The following NOTCH4 variants were observed in gnomAD, a reference collection of about 807,000 sequenced individuals.
NOTCH4 encodes the protein notch receptor 4, also known as neurogenic locus notch homolog protein 4.
A neutral mutation model predicts 189.0 loss-of-function variants in NOTCH4; 138 were observed. The observed-to-expected ratio is 0.73, with a 90% CI of 0.64 to 0.84. The LOEUF (loss-of-function observed/expected upper bound fraction) is 0.84, where lower values mean the gene tolerates loss of function less well. NOTCH4 is among the 40% of genes least tolerant of loss of function. The pLI, the probability that NOTCH4 is intolerant of heterozygous loss-of-function variation, is 0.00. For missense variants in NOTCH4, 2,286 were observed against 2,605.4 expected (o/e 0.88, Z 2.67); for synonymous variants, 942 against 1,032.8 (o/e 0.91, Z 1.69).
chr6:32,194,989 C>G lies in NOTCH4; in HGVS notation c.*448G>C, dbSNP rs1787760311. The G allele has an allele frequency of 1.2e-5, 3 of 240,792 alleles. No individual in the cohort carries two copies. The highest frequency in any genetic ancestry group is 6.6e-5 in the African/African-American group (3 of 45,704). 14.9% of individuals were successfully genotyped at this position (240,792 alleles called of 1,614,324 possible). ...CAAGGAGTCATCAGCGGGGGTGGCC[C>G]TTGGCCACTTTTCAGCACCTACACA... On this transcript the variant is annotated 3_prime_UTR_variant, in exon 30 of 30. Coordinates refer to ENST00000375023, the MANE Select transcript of NOTCH4 (RefSeq NM_004557.4). This position sits in a 1 kb window ranked among gnomAD's most constrained non-coding sequence, Gnocchi z 4.5.
At chr6:32,196,898 G>C in intron 28 of NOTCH4, 27 bp downstream of exon 28, 1 of 1,612,254 alleles carries the variant, frequency 6.2e-7, no homozygotes, top group Non-Finnish European at 8.5e-7. Flanking sequence ...CTTCTCTATA[G>C]CATACATCAC....
intron 2 of NOTCH4, 26 bp from the exon 3 acceptor site, chr6:32,222,832 C>A (rs1003336817): frequency 6.2e-7 from 1 of 1,605,850 alleles, no homozygotes; most frequent in African/African-American, 1.3e-5. Flanking sequence ...GAGGAAAACT[C>A]ACATCACTGG....
chr6:32,217,176 G>C lies in NOTCH4; in HGVS notation c.1715C>G (p.Ala572Gly). Residue 572 changes from alanine to glycine, a missense_variant, in exon 10 of 30, where the codon GCC becomes GGC. Ala to Gly is a moderately conservative substitution (Grantham distance 60). This residue lies in a region of NOTCH4 where 1,903 missense variants were observed against 2,261.9 expected (regional missense o/e 0.84). Transcript: ENST00000375023. This position sits in a 1 kb window ranked among gnomAD's most constrained non-coding sequence, Gnocchi z 4.2. ...NGGQCQDQPG[A>G]FHCKCLPGFE... Reference sequence around the variant, plus strand: ...ACCTGGGAGACACTTGCAGTGGAAGGCTCCAGGCTGGTCCTGGCACTGCCC... The same window carrying C: ...ACCTGGGAGACACTTGCAGTGGAAGCCTCCAGGCTGGTCCTGGCACTGCCC... 1 of 1,612,948 alleles carries C rather than the reference G, an allele frequency of 6.2e-7. No individual in the cohort carries two copies. The highest frequency in any genetic ancestry group is 8.5e-7 in the Non-Finnish European group (1 of 1,179,902).
chr6:32,221,014 T>C lies in NOTCH4; in HGVS notation c.763A>G (p.Lys255Glu), dbSNP rs1289506466. Residue 255 changes from lysine to glutamate, a missense_variant, in exon 4 of 30, where the codon AAA becomes GAA. This residue lies in a region of NOTCH4 where 1,903 missense variants were observed against 2,261.9 expected (regional missense o/e 0.84). Transcript: ENST00000375023. This position sits in a 1 kb window ranked among gnomAD's most constrained non-coding sequence, Gnocchi z 4.3. ...NGGTCQLMPE[K>E]DSTFHLCLCP... ...AGGCAGAGGTGAAAGGTGGAGTCTT[T>C]CTCTGGCATCAGCTGGCAGGTGCCC... 1.9e-6 allele frequency: 3 copies of C among 1,608,072 alleles called. No homozygotes were observed. The highest frequency in any genetic ancestry group is 2.7e-5 in the African/African-American group (2 of 74,706).
intron 28 of NOTCH4, among the ~76,000 whole-genome samples, chr6:32,196,679 C>A (rs570889054): frequency 1.3e-5 from 2 of 152,090 alleles, no homozygotes; most frequent in African/African-American, 2.4e-5. Flanking sequence ...ATTCCCCCCC[C>A]TTTCCACAGA....
In NOTCH4 at chr6:32,217,927, C is replaced by A. The variant is rs1024804631; in HGVS notation, c.1624+68G>T. The A allele has an allele frequency of 4.5e-5, 47 of 1,050,280 alleles. No homozygotes were observed. Among genetic ancestry groups the A allele is most frequent in the Admixed American group, 2.8e-4 (15 of 52,688 alleles). 65.1% of individuals were successfully genotyped at this position (1,050,280 alleles called of 1,614,324 possible). Reference sequence around the variant, plus strand: ...AGCTTCAAGTGGCCTTGGGTGATTGCTGAGCCTGAACTCTGCAGGTTCAGA... The same window carrying A: ...AGCTTCAAGTGGCCTTGGGTGATTGATGAGCCTGAACTCTGCAGGTTCAGA... On this transcript the variant is annotated intron_variant, in intron 9 of 29. Coordinates refer to ENST00000375023, the MANE Select transcript of NOTCH4 (RefSeq NM_004557.4). The surrounding 1 kb of genome is among the most constrained non-coding windows in gnomAD (Gnocchi z 4.2).
rs141058087 is a variant in NOTCH4, at chr6:32,220,447, G to T, written c.1117C>A (p.Arg373=). 6.2e-7 allele frequency: 1 copy of T among 1,613,848 alleles called. No individual in the cohort carries two copies. The change falls in exon 6 of 30, where the codon CGG becomes AGG. Residue 373 remains arginine (R), a synonymous_variant. Coordinates refer to ENST00000375023, the MANE Select transcript of NOTCH4 (RefSeq NM_004557.4). The stretch of plus-strand genomic sequence containing the variant: ...CAGAGGCAGGAGAAAGAGCCCACCC[G>T]GTCAATGCAGGTGGATCCCGGGGCA... ...TCAPGSTCID[R]VGSFSCLCPP... is the part of the protein sequence containing the mutation.
intron 11 of NOTCH4, 184 bp downstream of exon 11, chr6:32,216,761 G>A (rs963133400): frequency 9.3e-6 from 7 of 754,742 alleles, no homozygotes; most frequent in Admixed American, 2.3e-5. Flanking sequence ...TGGGCCCTAC[G>A]GTAACCCCTG....
chr6:32,214,484 T>TATATACAC (rs28383875), intron 12 of NOTCH4, among the ~76,000 whole-genome samples: 8 of 141,176 alleles, frequency 5.7e-5, no homozygotes, highest in Non-Finnish European at 1.2e-4. Context: ...TATATATATA[T>TATATACAC]ACACACATAT....
intron 11 of NOTCH4, chr6:32,216,519 C>T (rs1391606457): frequency 1.5e-5 from 4 of 270,056 alleles, no homozygotes; most frequent in African/African-American, 9.0e-5. Flanking sequence ...ATATCCTGCA[C>T]GTTTTTCTCT....
At chr6:32,196,500 TG>T in intron 28 of NOTCH4, 79 bp from the exon 29 acceptor site, 1 of 1,551,196 alleles carries the variant, frequency 6.4e-7, no homozygotes, top group Admixed American at 1.8e-5. Flanking sequence ...GTTCTGGCCT[TG>T]GGGGAAGGGC....
Position 32,217,234 on chromosome 6 carries a change from C to T in NOTCH4, c.1657G>A (p.Asp553Asn), listed in dbSNP as rs769158159. 19 of 1,612,978 alleles carry T rather than the reference C, an allele frequency of 1.2e-5. No homozygotes were observed. The East Asian group carries it at 3.3e-4, about 28-fold the overall frequency. ...FSGTRCEEDIDECRSSPCANG... is the reference protein window; with the variant it reads ...FSGTRCEEDINECRSSPCANG... ...GCACAGGGAGAGCTTCTGCACTCATCGATATCCTCCTCACATCGGGTGCCG... is the reference window on the plus strand; with the variant it reads ...GCACAGGGAGAGCTTCTGCACTCATTGATATCCTCCTCACATCGGGTGCCG... Residue 553 changes from aspartate to asparagine, a missense_variant, in exon 10 of 30, where the codon GAT becomes AAT. Physicochemically the swap from Asp to Asn is conservative, Grantham distance 23 (BLOSUM62 1). Transcript: ENST00000375023. The surrounding 1 kb of genome is among the most constrained non-coding windows in gnomAD (Gnocchi z 4.2).
At position 32,223,965 on chromosome 6, in the gene NOTCH4, T is replaced by C. The variant is rs773505769; in HGVS notation, c.-37A>G. On this transcript the variant is annotated 5_prime_UTR_variant, in exon 1 of 30. Transcript: ENST00000375023. ...TTCTCCAAGCCCCGGTCCCTGTCCC[T>C]CTTCAGGCAGGGACCCTCAGAGCTC... 5.3e-5 allele frequency: 83 copies of C among 1,567,566 alleles called. 1 individual carries two copies. The South Asian group carries it at 7.0e-4, about 13-fold the overall frequency.
chr6:32,219,633 C>G lies in NOTCH4; in HGVS notation c.1469G>C (p.Cys490Ser). The G allele has an allele frequency of 6.2e-7, 1 of 1,613,108 alleles. No individual in the cohort carries two copies. The highest frequency in any genetic ancestry group is 8.5e-7 in the Non-Finnish European group (1 of 1,180,002). Residue 490 changes from cysteine to serine, a missense_variant, in exon 8 of 30, where the codon TGT becomes TCT. Around this residue, in one of 2 missense-constraint regions of NOTCH4, gnomAD observed 1,903 missense variants for 2,261.9 expected, o/e 0.84. Transcript: ENST00000375023. ...GTGGAAGGTGGCAAGTAGGTCCAGA[C>G]AGGTGCTTCCTGGGTGGCAGGGCTG... ...LSQPCHPGST[C>S]LDLLATFHCL...
chr6:32,204,327 G>C lies in NOTCH4; in HGVS notation c.2928C>G (p.Pro976=), dbSNP rs1416095099. 1 of 1,612,984 alleles carries C rather than the reference G, an allele frequency of 6.2e-7. No homozygotes were observed. The highest frequency in any genetic ancestry group is 8.5e-7 in the Non-Finnish European group (1 of 1,180,046). Residue 976 remains proline, a synonymous_variant, in exon 19 of 30, where the codon CCC becomes CCG. Transcript: ENST00000375023. ...SKELDACQSQ[P]CHNHGTCTPK... ...GAGTACAGGTTCCATGGTTGTGACAGGGTTGGGACTGACAAGCATCGAGTT... is the reference window on the plus strand; with the variant it reads ...GAGTACAGGTTCCATGGTTGTGACACGGTTGGGACTGACAAGCATCGAGTT...
Position 32,198,460 on chromosome 6 carries a change from A to T in NOTCH4, c.4717T>A (p.Ser1573Thr), listed in dbSNP as rs758943873. The change falls in exon 26 of 30, where the codon TCT (serine) becomes ACT (threonine). Residue 1573 changes from serine to threonine, a missense_variant. Ser to Thr is a moderately conservative substitution (Grantham distance 58). This residue lies in a region of NOTCH4 where 1,903 missense variants were observed against 2,261.9 expected (regional missense o/e 0.84). Transcript: ENST00000375023. The surrounding 1 kb of genome is among the most constrained non-coding windows in gnomAD (Gnocchi z 5.5). ...QAAMLTPPQESEMEAPDLDTR... is the reference protein window; with the variant it reads ...QAAMLTPPQETEMEAPDLDTR... ...TCCAGGTCAGGGGCTTCCATCTCAG[A>T]TTCCTGGGGAGGAGTTAGCATGGCT... 6.2e-7 allele frequency: 1 copy of T among 1,612,554 alleles called. No individual in the cohort carries two copies. The highest frequency in any genetic ancestry group is 8.5e-7 in the Non-Finnish European group (1 of 1,179,942).
intron 17 of NOTCH4, among the ~76,000 whole-genome samples, chr6:32,211,790 C>T (rs886849030): frequency 8.5e-5 from 13 of 152,088 alleles, no homozygotes; most frequent in Non-Finnish European, 1.3e-4. Flanking sequence ...ATTAGACCAT[C>T]GAGTTTTACC....
Position 32,198,876 on chromosome 6 carries a change from G to T in NOTCH4, c.4535+50C>A. On this transcript the variant is annotated intron_variant, in intron 24 of 29. Transcript: ENST00000375023. The surrounding 1 kb of genome is among the most constrained non-coding windows in gnomAD (Gnocchi z 5.5). Reference sequence around the variant, plus strand: ...CTTATCTTTTCTGATTGTAAATATCGCCATAGGAGAGACTCCCCTTCCTGA... The same window carrying T: ...CTTATCTTTTCTGATTGTAAATATCTCCATAGGAGAGACTCCCCTTCCTGA... 1 of 1,477,086 alleles carries T rather than the reference G, an allele frequency of 6.8e-7. No homozygotes were observed. The highest frequency in any genetic ancestry group is 1.4e-5 in the African/African-American group (1 of 70,988). 91.5% of individuals were successfully genotyped at this position (1,477,086 alleles called of 1,614,324 possible).
intron 13 of NOTCH4, 120 bp downstream of exon 13, chr6:32,213,990 G>T: frequency 7.1e-7 from 1 of 1,411,806 alleles, no homozygotes; most frequent in Non-Finnish European, 9.8e-7. Context: ...CATCACCCGT[G>T]TCCCCTGCAG....
Sources: gnomAD v4.1 joint callset for allele counts (sites outside exome capture counted in the v4.1 genomes callset) on GRCh38, gnomAD v4.1.1 for gene constraint, gnomAD v4.1.1 regional missense constraint, Gnocchi (gnomAD v3.1) non-coding constraint, MANE v1.5 for transcripts, NCBI Gene and HGNC (gene_info 2026-07-23, HGNC 2026-07-21) for gene names.